The following ZNF709 variants were observed in gnomAD, a reference collection of about 807,000 sequenced individuals.
ZNF709 encodes the protein zinc finger protein 709.
Under a neutral mutation model 10.6 loss-of-function variants are expected in ZNF709, and 15 were observed. The observed-to-expected ratio is 1.41, with a 90% confidence interval of 0.95 to 2.18. The LOEUF (loss-of-function observed/expected upper bound fraction) is 2.18, where lower values mean the gene tolerates loss of function less well. Among genes scored for constraint, ZNF709 ranks in the 30% most tolerant of loss-of-function variants. The pLI is 0.00. For synonymous variants in ZNF709, 194 were observed against 238.8 expected (o/e 0.81, Z 1.73); for missense variants, 589 against 774.0 (o/e 0.76, Z 2.84).
At position 12,466,484 on chromosome 19, in the gene ZNF709, T is replaced by C. The variant is rs377706378; in HGVS notation, c.166A>G (p.Lys56Glu). 1.2e-6 allele frequency: 2 copies of C among 1,614,116 alleles called. No individual in the cohort carries two copies. The highest frequency in any genetic ancestry group is 1.7e-6 in the Non-Finnish European group (2 of 1,180,018). Residue 56 changes from lysine (K) to glutamate (E), a missense_variant, in exon 3 of 4, where the codon AAA (lysine) becomes GAA (glutamate). Lys to Glu is a moderately conservative substitution (Grantham distance 56). This residue lies in a region of ZNF709 where 418 missense variants were observed against 496.3 expected (regional missense o/e 0.84). Coordinates refer to ENST00000397732, the MANE Select transcript of ZNF709 (RefSeq NM_152601.4). ...CACCTTAGCTTTCTCCCCTGATTTT[T>C]GTGATCTTCAATGTTCTTCTCCTCC... ...NWEEKNIEDHKNQGRKLRSHM... is the reference protein window; with the variant it reads ...NWEEKNIEDHENQGRKLRSHM...
At chr19:12,473,640 G>T (rs1396608470) in intron 1 of ZNF709, among the ~76,000 whole-genome samples, 3 of 152,178 alleles carry the variant, frequency 2.0e-5, no homozygotes, top group Non-Finnish European at 4.4e-5. Flanking sequence ...GAAGCCCTCA[G>T]TATCATAAGG....
At chr19:12,484,615 C>A (rs1409173623) in intron 1 of ZNF709, 40 bp downstream of exon 1, 1 of 1,612,350 alleles carries the variant, frequency 6.2e-7, no homozygotes, top group Non-Finnish European at 8.5e-7. Context: ...TCAACCCGCC[C>A]CTCTCTCCCA....
rs374856504 is a variant in ZNF709, at chr19:12,466,753, T to C, written c.101A>G (p.Gln34Arg). The change falls in exon 2 of 4, where the codon CAA becomes CGA. Residue 34 changes from glutamine (Q) to arginine (R), a missense_variant. By Grantham distance (43) the Gln-to-Arg change is conservative. Coordinates refer to ENST00000397732, the MANE Select transcript of ZNF709 (RefSeq NM_152601.4). The part of the protein sequence containing the change: ...SQKKLYRDVM[Q>R]ETFVNLASIG... Reference sequence around the variant, plus strand: ...AGAGGCCAAGTTAACAAAGGTTTCTTGCATCACATCTCTGTAGAGTTTCTT... The same window carrying C: ...AGAGGCCAAGTTAACAAAGGTTTCTCGCATCACATCTCTGTAGAGTTTCTT... 2.5e-6 allele frequency: 4 copies of C among 1,614,014 alleles called. No individual in the cohort carries two copies. The highest frequency in any genetic ancestry group is 2.5e-6 in the Non-Finnish European group (3 of 1,179,968).
chr19:12,466,580 T>C, intron 2 of ZNF709, 61 bp from the exon 3 acceptor site: 3 of 1,607,238 alleles, frequency 1.9e-6, no homozygotes, highest in Admixed American at 3.3e-5. Context: ...AATTATTAGA[T>C]TCTAAATCTA....
chr19:12,479,049 C>T (rs1259834341), intron 1 of ZNF709, among the ~76,000 whole-genome samples: 1 of 152,198 alleles, frequency 6.6e-6, no homozygotes, highest in Non-Finnish European at 1.5e-5. Context: ...ATACCTATAA[C>T]ACCAGTGCTT....
chr19:12,469,741 C>T (rs1480348436), intron 1 of ZNF709, among the ~76,000 whole-genome samples: 1 of 152,014 alleles, frequency 6.6e-6, no homozygotes, highest in Non-Finnish European at 1.5e-5. Context: ...TGCACTCCAG[C>T]CTGGGTGACA....
chr19:12,478,381 C>T (rs1023101996), intron 1 of ZNF709, among the ~76,000 whole-genome samples: 1 of 152,214 alleles, frequency 6.6e-6, no homozygotes, highest in Non-Finnish European at 1.5e-5. Context: ...GTTGGCTAAA[C>T]ATAGAACCCA....
Position 12,464,882 on chromosome 19 carries a change from G to T in ZNF709, c.1040C>A (p.Ser347Tyr), listed in dbSNP as rs1314869884. Reference protein sequence around the residue: ...DCKECGKAFISLPSYRRHMIM... With the variant: ...DCKECGKAFIYLPSYRRHMIM... ...CATATGTCTTCGATAGCTTGGAAGA[G>T]AAATGAATGCTTTCCCACATTCCTT... The change falls in exon 4 of 4, where the codon TCT becomes TAT. Residue 347 changes from serine to tyrosine, a missense_variant. Transcript: ENST00000397732. 2.5e-6 allele frequency: 4 copies of T among 1,613,618 alleles called. No individual in the cohort carries two copies. The highest frequency in any genetic ancestry group is 2.7e-5 in the African/African-American group (2 of 74,868).
intron 1 of ZNF709, among the ~76,000 whole-genome samples, chr19:12,483,921 C>T (rs1464013854): frequency 2.6e-5 from 4 of 152,128 alleles, no homozygotes; most frequent in Admixed American, 6.6e-5. Context: ...CATAGGATGT[C>T]AGGTCCCAGG....
rs1243117210 is a variant in ZNF709 at position 12,464,791 on chromosome 19, AC to A, written c.1130del (p.Ser377IlefsTer209). ...KECGKAFDCPSSFQIHERTHT... is the reference protein window; with the variant it reads ...KECGKAFDCPXSFQIHERTHT... Reference sequence around the variant, plus strand: ...GAGTTCGTTCATGGATTTGAAAAGAACTAGGACAATCAAAGGCTTTCCCACA... The same window carrying A: ...GAGTTCGTTCATGGATTTGAAAAGAATAGGACAATCAAAGGCTTTCCCACA... On this transcript the variant is annotated frameshift_variant, in exon 4 of 4. Coordinates refer to ENST00000397732, the MANE Select transcript of ZNF709 (RefSeq NM_152601.4). LOFTEE classifies it low-confidence loss of function (END_TRUNC). The A allele has an allele frequency of 6.2e-7, 1 of 1,613,596 alleles. No homozygotes were observed. Among genetic ancestry groups the A allele is most frequent in the Non-Finnish European group, 8.5e-7 (1 of 1,179,756 alleles).
rs1310269297 is a variant in ZNF709, at chr19:12,464,725, T to C, written c.1197A>G (p.Lys399=). 2.5e-6 allele frequency: 4 copies of C among 1,613,438 alleles called. No individual in the cohort carries two copies. The highest frequency in any genetic ancestry group is 3.4e-6 in the Non-Finnish European group (4 of 1,179,798). ...GAAAGGAACTGGAACAACTGAAGGC[T>C]TTACCACACTGTTTACATTCATAGG... The part of the protein sequence containing the change: ...EKPYECKQCG[K]AFSCSSSFRM... The change falls in exon 4 of 4, where the codon AAA becomes AAG. Residue 399 remains lysine (K), a synonymous_variant. Transcript: ENST00000397732.
At chr19:12,467,693 G>A (rs1408983911) in intron 1 of ZNF709, among the ~76,000 whole-genome samples, 3 of 151,922 alleles carry the variant, frequency 2.0e-5, no homozygotes, top group Admixed American at 6.6e-5. Flanking sequence ...TCTAGGAAGT[G>A]AGGAGCGTCT....
Position 12,462,605 on chromosome 19 carries a change from TA to T in ZNF709, c.*1390del, listed in dbSNP as rs1174614454. On this transcript the variant is annotated 3_prime_UTR_variant, in exon 4 of 4. Coordinates refer to ENST00000397732, the MANE Select transcript of ZNF709 (RefSeq NM_152601.4). ...AATTTATTATGATTATTTTTTAGCA[TA>T]AAAAATAGAAAAAAGGGTACTCTGT... The T allele has an allele frequency of 6.6e-6, 1 of 151,942 alleles. No homozygotes were observed. The allele number at this position is 151,942 out of a possible 1,614,324, so 9.4% of individuals were successfully genotyped here.
chr19:12,467,983 GT>G (rs1970595677), intron 1 of ZNF709, among the ~76,000 whole-genome samples: 1 of 151,182 alleles, frequency 6.6e-6, no homozygotes, highest in Admixed American at 6.6e-5. Flanking sequence ...GGAGGTGGGG[GT>G]CAGCCCCCGC....
intron 1 of ZNF709, among the ~76,000 whole-genome samples, chr19:12,476,128 A>C (rs574381941): frequency 5.2e-4 from 79 of 152,370 alleles, no homozygotes; most frequent in Non-Finnish European, 1.0e-3. Flanking sequence ...GCAGTGGCTC[A>C]TGCCTGTAAT....
Position 12,465,146 on chromosome 19 carries a change from T to C in ZNF709, c.776A>G (p.Lys259Arg), listed in dbSNP as rs202019372. The change falls in exon 4 of 4, where the codon AAA (lysine) becomes AGA (arginine). Residue 259 changes from lysine (K) to arginine (R), a missense_variant. By Grantham distance (26) the Lys-to-Arg change is conservative. Around this residue, in one of 2 missense-constraint regions of ZNF709, gnomAD observed 418 missense variants for 496.3 expected, o/e 0.84. Transcript: ENST00000397732. ...EKPYECKQCG[K>R]AFRYYQTFQI... The stretch of plus-strand genomic sequence containing the variant: ...AAAAGTTTGGTAATATCTGAAAGCT[T>C]TTCCACATTGTTTACATTCATAGGG... 23 of 1,612,480 alleles carry C rather than the reference T, an allele frequency of 1.4e-5. No individual in the cohort carries two copies. The highest frequency in any genetic ancestry group is 1.8e-5 in the Non-Finnish European group (21 of 1,179,598).
Position 12,463,528 on chromosome 19 carries a change from G to A in ZNF709, c.*468C>T, listed in dbSNP as rs1970533904. 1 of 152,512 alleles carries A rather than the reference G, an allele frequency of 6.6e-6. No individual in the cohort carries two copies. Among genetic ancestry groups the A allele is most frequent in the Admixed American group, 6.5e-5 (1 of 15,292 alleles). The allele number at this position is 152,512 out of a possible 1,614,324, so 9.4% of individuals were successfully genotyped here. On this transcript the variant is annotated 3_prime_UTR_variant, in exon 4 of 4. Coordinates refer to ENST00000397732, the MANE Select transcript of ZNF709 (RefSeq NM_152601.4). The stretch of plus-strand genomic sequence containing the variant: ...TTCCCACACTGCCTACATTCGCAGG[G>A]TTTCCTGTCCAGTATGAATGCTTCC...
chr19:12,479,293 A>T (rs980093472), intron 1 of ZNF709, among the ~76,000 whole-genome samples: 4 of 151,918 alleles, frequency 2.6e-5, no homozygotes, highest in African/African-American at 9.7e-5. Context: ...ACAGAACAAG[A>T]CCCCATCTCA....
At chr19:12,475,257 TAAAAAA>T (rs71166684) in intron 1 of ZNF709, among the ~76,000 whole-genome samples, 14 of 44,734 alleles carry the variant, frequency 3.1e-4, no homozygotes, top group East Asian at 2.4e-3. Context: ...GATTCCGTCT[TAAAAAA>T]AAAAAAAAAA....
Sources: gnomAD v4.1 joint callset for allele counts (sites outside exome capture counted in the v4.1 genomes callset) on GRCh38, gnomAD v4.1.1 for gene constraint, gnomAD v4.1.1 regional missense constraint, MANE v1.5 for transcripts, NCBI Gene and HGNC (gene_info 2026-07-23, HGNC 2026-07-21) for gene names.